The following GPM6A variants were observed in gnomAD, a reference collection of about 807,000 sequenced individuals.
GPM6A encodes neuronal membrane glycoprotein M6-a.
GPM6A carries 7 observed loss-of-function variants against 32.1 expected under a neutral mutation model. The observed-to-expected ratio is 0.22, with a 90% CI of 0.12 to 0.41. The LOEUF (loss-of-function observed/expected upper bound fraction) is 0.41. GPM6A is among the 10% of genes least tolerant of loss of function. The probability of loss-of-function intolerance (pLI) is 1.00; values close to 1 mark genes in which losing one functional copy is unlikely to be tolerated. For missense variants in GPM6A, 235 were observed against 347.2 expected, an observed-to-expected ratio of 0.68 and a Z score of 2.57; for synonymous variants, 130 against 123.4, an observed-to-expected ratio of 1.05 and a Z score of -0.35.
At chr4:175,764,736 T>A (rs1222068851) in intron 1 of GPM6A, among the ~76,000 whole-genome samples, 1 of 151,952 alleles carries the variant, frequency 6.6e-6, no homozygotes. Context: ...ATATCTGGTA[T>A]ACATCTCAAA....
chr4:175,982,674 T>C (rs961177608), intron 1 of GPM6A, among the ~76,000 whole-genome samples: 1 of 152,138 alleles, frequency 6.6e-6, no homozygotes, highest in African/African-American at 2.4e-5. Flanking sequence ...TTAAAATGAA[T>C]TAGCATGACT....
intron 3 of GPM6A, chr4:175,654,091 A>C (rs1209851584): frequency 2.0e-5 from 3 of 152,114 alleles, no homozygotes; most frequent in African/African-American, 7.2e-5. Flanking sequence ...GGCAATACCC[A>C]TTCACCTCTA....
intron 1 of GPM6A, among the ~76,000 whole-genome samples, chr4:175,932,393 G>A (rs1739080882): frequency 6.6e-6 from 1 of 152,160 alleles, no homozygotes; most frequent in African/African-American, 2.4e-5. Flanking sequence ...GCATCAAGGC[G>A]CCATCTTGGA....
chr4:175,740,130 AAT>A (rs540568444), intron 1 of GPM6A, among the ~76,000 whole-genome samples: 87 of 152,186 alleles, frequency 5.7e-4, no homozygotes, highest in African/African-American at 1.9e-3. Context: ...TAGCATATTA[AAT>A]ATATTTGTCT....
chr4:175,843,872 G>C (rs1294978068), intron 1 of GPM6A, among the ~76,000 whole-genome samples: 1 of 152,088 alleles, frequency 6.6e-6, no homozygotes, highest in African/African-American at 2.4e-5. Context: ...CTCCCTTTGA[G>C]GATGCCTCAT....
chr4:175,926,140 C>T (rs1476151537), intron 1 of GPM6A, among the ~76,000 whole-genome samples: 1 of 152,146 alleles, frequency 6.6e-6, no homozygotes, highest in African/African-American at 2.4e-5. Context: ...ACGTGAGCCA[C>T]CGTGCCTGGC....
intron 2 of GPM6A, among the ~76,000 whole-genome samples, chr4:175,690,675 G>A (rs2111035155): frequency 6.6e-6 from 1 of 152,298 alleles, no homozygotes; most frequent in East Asian, 1.9e-4. Flanking sequence ...CTGGTCAAGT[G>A]GCTCTCTGTT....
At chr4:175,686,956 C>A (rs1744015009) in intron 2 of GPM6A, among the ~76,000 whole-genome samples, 1 of 152,058 alleles carries the variant, frequency 6.6e-6, no homozygotes, top group South Asian at 2.1e-4. Flanking sequence ...GTAAGAAATG[C>A]CTGCTTCTTC....
chr4:175,767,619 G>T (rs187465276), intron 1 of GPM6A, among the ~76,000 whole-genome samples: 3 of 152,262 alleles, frequency 2.0e-5, no homozygotes, highest in East Asian at 1.9e-4. Flanking sequence ...CACACCAATT[G>T]TGCACCATCT....
intron 1 of GPM6A, among the ~76,000 whole-genome samples, chr4:175,712,282 C>A (rs999396430): frequency 1.3e-5 from 2 of 152,174 alleles, no homozygotes; most frequent in Non-Finnish European, 2.9e-5. Context: ...GAATTCCTCC[C>A]TTCCTGTAGC....
At position 175,720,705 on chromosome 4, in the gene GPM6A, C is replaced by A. The variant is rs147296726; in HGVS notation, c.38-18938G>T. On this transcript the variant is annotated intron_variant, in intron 1 of 6. Coordinates refer to ENST00000393658, the MANE Select transcript of GPM6A (RefSeq NM_201591.3). ...TTTATTCCTTTGGTTATCTTTTGTA[C>A]AAGAAGGATAAGTCAAGTTCACCCA... Among the ~76,000 whole-genome samples the A allele has an allele frequency of 7.8e-3, 1,185 of 152,106 alleles. 14 individuals are homozygous for A. The highest frequency in any genetic ancestry group is 0.027 in the African/African-American group (1,111 of 41,496).
upstream of GPM6A, among the ~76,000 whole-genome samples, chr4:175,814,310 G>A (rs539639197): frequency 3.6e-4 from 55 of 152,184 alleles, no homozygotes; most frequent in African/African-American, 1.2e-3. Context: ...CAAAAAACAC[G>A]GATGCTCAGG....
In GPM6A at chr4:175,711,409, AATATATATATAT is replaced by A. The variant is rs36105210; in HGVS notation, c.38-9654_38-9643del. Among the ~76,000 whole-genome samples the A allele has an allele frequency of 3.2e-3, 172 of 53,270 alleles. 4 individuals are homozygous for A. Among genetic ancestry groups the A allele is most frequent in the East Asian group, 0.012 (21 of 1,760 alleles). The allele number at this position is 53,270 out of a possible 152,430, so 34.9% of individuals were successfully genotyped here. ...TTAAAAAGGGCACACTGGCACACCA[AATATATATATAT>A]ATATATATATATATATATATATATA... is the stretch of plus-strand genomic sequence containing the variant. On this transcript the variant is annotated intron_variant, in intron 1 of 6. Transcript: ENST00000393658.
chr4:175,734,611 T>C (rs903646083), intron 1 of GPM6A, among the ~76,000 whole-genome samples: 2 of 152,066 alleles, frequency 1.3e-5, no homozygotes, highest in African/African-American at 2.4e-5. Context: ...TGGTGGCTCA[T>C]GCCTGTAATC....
chr4:175,926,350 A>G (rs988346852), intron 1 of GPM6A, among the ~76,000 whole-genome samples: 1 of 152,218 alleles, frequency 6.6e-6, no homozygotes, highest in Admixed American at 6.5e-5. Flanking sequence ...CATAAGATCA[A>G]GGAAATTGGA....
intron 1 of GPM6A, among the ~76,000 whole-genome samples, chr4:175,846,157 T>C (rs1736080658): frequency 6.6e-6 from 1 of 152,152 alleles, no homozygotes. Flanking sequence ...GTTTGCCTTA[T>C]ATTGAAAACA....
chr4:175,659,192 C>T lies in GPM6A; in HGVS notation c.388-7205G>A, dbSNP rs1053989328. Among the ~76,000 whole-genome samples the T allele has an allele frequency of 2.0e-5, 3 of 151,284 alleles. No individual in the cohort carries two copies. The South Asian group carries it at 6.3e-4, about 32-fold the overall frequency. ...CCTCCTCCCGGGTTCAAGCGACTCT[C>T]TTGCCTCAGCCTCTAGAGTAGCTGG... On this transcript the variant is annotated intron_variant, in intron 3 of 6. Coordinates refer to ENST00000393658, the MANE Select transcript of GPM6A (RefSeq NM_201591.3).
In GPM6A at chr4:175,673,784, A is replaced by G; in HGVS notation, c.283T>C (p.Tyr95His). Residue 95 changes from tyrosine (Y) to histidine (H), a missense_variant, in exon 3 of 7, where the codon TAT becomes CAT. By Grantham distance (83) the Tyr-to-His change is moderately conservative. Around this residue, in one of 3 missense-constraint regions of GPM6A, gnomAD observed 101 missense variants for 171.2 expected, o/e 0.59. Transcript: ENST00000393658. ...IYGIAAAFFV[Y>H]GILLMVEGFF... ...CCTTCCACCATCAGCAAAATGCCAT[A>G]CACAAAGAACGCAGCTGCGATGCCG... 6.2e-7 allele frequency: 1 copy of G among 1,612,216 alleles called. No homozygotes were observed. Among genetic ancestry groups the G allele is most frequent in the South Asian group, 1.1e-5 (1 of 90,954 alleles).
intron 1 of GPM6A, among the ~76,000 whole-genome samples, chr4:175,795,151 G>A (rs555512573): frequency 1.3e-5 from 2 of 152,288 alleles, no homozygotes; most frequent in East Asian, 3.9e-4. Flanking sequence ...GTAATGACCT[G>A]TAAACTTCTA....
Sources: gnomAD v4.1 joint callset for allele counts (sites outside exome capture counted in the v4.1 genomes callset) on GRCh38, gnomAD v4.1.1 for gene constraint, gnomAD v4.1.1 regional missense constraint, MANE v1.5 for transcripts, NCBI Gene and HGNC (gene_info 2026-07-23, HGNC 2026-07-21) for gene names.